Variants in NALCN observed in about 807,000 individuals in gnomAD.
NALCN encodes the protein sodium leak channel, non-selective.
A neutral mutation model predicts 225.3 loss-of-function variants in NALCN; 111 were observed. That is an observed-to-expected ratio of 0.49 (90% CI 0.42 to 0.58). NALCN has a LOEUF of 0.58. NALCN is among the 20% of genes least tolerant of loss of function. The pLI, the probability that NALCN is intolerant of heterozygous loss-of-function variation, is 0.00. For missense variants in NALCN, 1,378 were observed against 2,202.4 expected (o/e 0.63, Z 7.49); for synonymous variants, 764 against 769.0 (o/e 0.99, Z 0.11).
At chr13:101,270,500 C>T (rs1236050400) in intron 10 of NALCN, among the ~76,000 whole-genome samples, 1 of 152,170 alleles carries the variant, frequency 6.6e-6, no homozygotes, top group Non-Finnish European at 1.5e-5. Flanking sequence ...TAATACACTG[C>T]ATTTCTAATG....
At chr13:101,312,766 G>T (rs560299169) in intron 7 of NALCN, among the ~76,000 whole-genome samples, 1 of 152,024 alleles carries the variant, frequency 6.6e-6, no homozygotes, top group Admixed American at 6.6e-5. Context: ...TTGCTGAGGA[G>T]TGCTTTACTT....
chr13:101,343,554 C>T (rs1359205774), intron 7 of NALCN, among the ~76,000 whole-genome samples: 1 of 152,128 alleles, frequency 6.6e-6, no homozygotes, highest in Non-Finnish European at 1.5e-5. Context: ...TGGAGGGCTC[C>T]CTGTGAGCCA....
chr13:101,110,471 A>G (rs2035367661), intron 20 of NALCN, 148 bp downstream of exon 20: 2 of 791,646 alleles, frequency 2.5e-6, no homozygotes, highest in Non-Finnish European at 4.1e-6. Flanking sequence ...TACATAATTC[A>G]TATCCTGAGT....
chr13:101,272,315 G>C (rs2042822060), intron 10 of NALCN, among the ~76,000 whole-genome samples: 1 of 152,158 alleles, frequency 6.6e-6, no homozygotes, highest in South Asian at 2.1e-4. Flanking sequence ...TGAGCATTTG[G>C]GGGAAGTATC....
rs1375395581 is a variant in NALCN, at chr13:101,067,342, GGGTAGAGGAGGA to G, written c.4446+564_4446+575del. Among the ~76,000 whole-genome samples the G allele has an allele frequency of 2.6e-5, 3 of 116,178 alleles. No homozygotes were observed. In the Admixed American group the frequency reaches 2.6e-4, roughly 10 times the overall value. The allele number at this position is 116,178 out of a possible 152,430, so 76.2% of individuals were successfully genotyped here. The stretch of plus-strand genomic sequence containing the variant: ...GGGGAAGAGGAGGGGGAAGAAGAGG[GGGTAGAGGAGGA>G]GGAGTAGGAGGAAGGGAAGGAGGTG... On this transcript the variant is annotated intron_variant, in intron 39 of 43. Transcript: ENST00000251127.
intron 6 of NALCN, among the ~76,000 whole-genome samples, chr13:101,358,804 T>C (rs1049836471): frequency 6.6e-6 from 1 of 152,090 alleles, no homozygotes; most frequent in Non-Finnish European, 1.5e-5. Context: ...CAAATACCCA[T>C]CAAGGATAGA....
At chr13:101,269,864 A>G (rs2042718568) in intron 10 of NALCN, among the ~76,000 whole-genome samples, 1 of 152,228 alleles carries the variant, frequency 6.6e-6, no homozygotes, top group African/African-American at 2.4e-5. Context: ...GTAAAAATTA[A>G]GAATGAAAAT....
Position 101,204,436 on chromosome 13 carries a change from A to G in NALCN, c.1627-12382T>C, listed in dbSNP as rs539288156. On this transcript the variant is annotated intron_variant, in intron 13 of 43. Transcript: ENST00000251127. ...ACTTAAATGAATAAAGAGAGAGGAG[A>G]AAAAAACTGTTTATTGTTCAAATTT... 4.1e-4 allele frequency among the ~76,000 whole-genome samples: 62 copies of G among 152,174 alleles called. 1 individual carries two copies. Among genetic ancestry groups the G allele is most frequent in the Middle Eastern group, 6.8e-3 (2 of 294 alleles).
In NALCN at chr13:101,162,698, C is replaced by T. The variant is rs549642530; in HGVS notation, c.1839+13602G>A. On this transcript the variant is annotated intron_variant, in intron 15 of 43. Transcript: ENST00000251127. ...ACAGGATCTGAAAGAAAAAGTGCTG[C>T]GAGGTTGCTCTTCCTTATCATCCTT... Among the ~76,000 whole-genome samples, 6 of 152,190 alleles carry T rather than the reference C, an allele frequency of 3.9e-5. No homozygotes were observed. The East Asian group carries it at 7.7e-4, about 20-fold the overall frequency.
At chr13:101,227,001 C>T (rs574974115) in intron 13 of NALCN, among the ~76,000 whole-genome samples, 1 of 152,150 alleles carries the variant, frequency 6.6e-6, no homozygotes, top group Non-Finnish European at 1.5e-5. Context: ...CTCCCTCCCC[C>T]ATGCCTGCTG....
At chr13:101,291,674 A>T (rs1342798807) in intron 9 of NALCN, among the ~76,000 whole-genome samples, 2 of 152,108 alleles carry the variant, frequency 1.3e-5, no homozygotes, top group Admixed American at 1.3e-4. Context: ...CAGCCTACTG[A>T]GTAGCTGGGA....
intron 11 of NALCN, among the ~76,000 whole-genome samples, chr13:101,242,086 A>G (rs1454380597): frequency 9.4e-6 from 1 of 106,378 alleles, no homozygotes; most frequent in African/African-American, 3.4e-5. Flanking sequence ...TGTTTGGTAG[A>G]AATGATTTTT....
At chr13:101,064,640 A>G (rs912407260) in intron 40 of NALCN, among the ~76,000 whole-genome samples, 1 of 152,034 alleles carries the variant, frequency 6.6e-6, no homozygotes, top group Admixed American at 6.6e-5. Context: ...TCTACAAGCC[A>G]AGGAATGACC....
chr13:101,397,066 T>TTATATATATA (rs368771604), intron 2 of NALCN, among the ~76,000 whole-genome samples: 53 of 56,320 alleles, frequency 9.4e-4, no homozygotes, highest in Non-Finnish European at 1.4e-3. Context: ...TATGAATGTA[T>TTATATATATA]TATATATATA....
intron 17 of NALCN, among the ~76,000 whole-genome samples, chr13:101,138,619 TG>T (rs1467420453): frequency 6.6e-6 from 1 of 152,134 alleles, no homozygotes; most frequent in African/African-American, 2.4e-5. Context: ...ACATAAGAAA[TG>T]GTGCATCAGC....
In NALCN at chr13:101,189,884, G is replaced by A. The variant is rs1047421238; in HGVS notation, c.1764+2033C>T. On this transcript the variant is annotated intron_variant, in intron 14 of 43. Coordinates refer to ENST00000251127, the MANE Select transcript of NALCN (RefSeq NM_052867.4). ...AATTAGAGATTGGTTTTCATCTTGT[G>A]CTCTGTGGATTCCTAAAGCCTCAGG... Among the ~76,000 whole-genome samples, 6 of 152,180 alleles carry A rather than the reference G, an allele frequency of 3.9e-5. 1 individual carries two copies. Among genetic ancestry groups the A allele is most frequent in the Admixed American group, 2.6e-4 (4 of 15,274 alleles).
At chr13:101,407,725 C>T (rs1572591) in intron 1 of NALCN, among the ~76,000 whole-genome samples, 97,482 of 152,074 alleles carry the variant, frequency 0.64, 33,039 homozygotes, top group African/African-American at 0.86. Context: ...GTCTATTTGT[C>T]GGGAGAACAG....
At chr13:101,345,044 T>C (rs190373239) in intron 7 of NALCN, among the ~76,000 whole-genome samples, 89 of 152,308 alleles carry the variant, frequency 5.8e-4, no homozygotes, top group African/African-American at 1.9e-3. Flanking sequence ...GAGAGATCTG[T>C]AACTCCATAC....
At chr13:101,145,707 T>G (rs1323898526) in intron 15 of NALCN, among the ~76,000 whole-genome samples, 1 of 152,130 alleles carries the variant, frequency 6.6e-6, no homozygotes. Context: ...GAGTCCCTCT[T>G]TACTTCTGTT....
Sources: allele counts gnomAD v4.1 joint callset (sites outside exome capture counted in the v4.1 genomes callset), GRCh38; gene constraint gnomAD v4.1.1; transcripts MANE v1.5; gene names NCBI Gene and HGNC (gene_info 2026-07-23, HGNC 2026-07-21).